FTO: variants seen among roughly 807,000 people sequenced by gnomAD.
FTO encodes alpha-ketoglutarate-dependent dioxygenase FTO.
A neutral mutation model predicts 63.9 loss-of-function variants in FTO; 47 were observed. The ratio of observed to expected loss-of-function variants is 0.74; its 90% confidence interval spans 0.58 to 0.94. FTO has a LOEUF of 0.94. Among genes scored for constraint, FTO ranks in the 40% least tolerant of loss-of-function variants. FTO has a pLI of 0.00. For synonymous variants in FTO, 207 were observed against 224.4 expected (o/e 0.92, Z 0.69); for missense variants, 562 against 618.1 (o/e 0.91, Z 0.96).
chr16:54,107,685 G>A (rs1417289796), intron 8 of FTO, among the ~76,000 whole-genome samples: 4 of 152,136 alleles, frequency 2.6e-5, no homozygotes, highest in Non-Finnish European at 5.9e-5. Flanking sequence ...CGGCATATCA[G>A]CTAGGATTCT....
intron 8 of FTO, among the ~76,000 whole-genome samples, chr16:54,024,614 T>A (rs1278680588): frequency 1.3e-5 from 2 of 152,212 alleles, no homozygotes; most frequent in Non-Finnish European, 2.9e-5. Context: ...TTATCCTGAC[T>A]CTTCCACTTA....
At chr16:53,802,143 AC>A (rs2078245126) in intron 1 of FTO, among the ~76,000 whole-genome samples, 2 of 152,076 alleles carry the variant, frequency 1.3e-5, no homozygotes, top group Admixed American at 1.3e-4. Context: ...TGGTTCCAGG[AC>A]CCCTGCAAAT....
chr16:53,785,409 CAAAT>C (rs1380559711), intron 1 of FTO, among the ~76,000 whole-genome samples: 2 of 152,046 alleles, frequency 1.3e-5, no homozygotes, highest in African/African-American at 2.4e-5. Context: ...AAATTAAGTA[CAAAT>C]AAATAAACAG....
chr16:53,864,769 A>C (rs1428617692), intron 4 of FTO, among the ~76,000 whole-genome samples: 2 of 152,178 alleles, frequency 1.3e-5, no homozygotes, highest in African/African-American at 2.4e-5. Context: ...GAGGGTCTTA[A>C]GTATATCCTT....
At chr16:54,036,758 T>TTTC (rs1185109212) in intron 8 of FTO, among the ~76,000 whole-genome samples, 1 of 152,226 alleles carries the variant, frequency 6.6e-6, no homozygotes, top group African/African-American at 2.4e-5. Flanking sequence ...TATTATTGCA[T>TTTC]TTCTATCTTC....
rs955048921 is a variant in FTO at position 53,764,124 on chromosome 16, A to T, written c.46-46016A>T. 2.0e-5 allele frequency: 3 copies of T among 152,312 alleles called. 1 individual carries two copies. Among genetic ancestry groups the T allele is most frequent in the East Asian group, 3.9e-4 (2 of 5,178 alleles). The allele number at this position is 152,312 out of a possible 1,614,324, so 9.4% of individuals were successfully genotyped here. A position where few individuals can be genotyped will look rare whatever the true frequency, so the allele number is the denominator to read the frequency against. ...GCACGGCACCCAGAGTGTGGGAGGC[A>T]CTCAATGAATATTAGCTCCTTTCTC... On this transcript the variant is annotated intron_variant, in intron 1 of 8. Coordinates refer to ENST00000471389, the MANE Select transcript of FTO (RefSeq NM_001080432.3).
At position 54,120,641 on chromosome 16, in the gene FTO, A is replaced by C. The variant is rs548718837; in HGVS notation, c.*8726A>C. 6.6e-6 allele frequency: 1 copy of C among 152,290 alleles called. No homozygotes were observed. Among genetic ancestry groups the C allele is most frequent in the Non-Finnish European group, 1.5e-5 (1 of 68,026 alleles). 9.4% of individuals were successfully genotyped at this position (152,290 alleles called of 1,614,324 possible). On this transcript the variant is annotated 3_prime_UTR_variant, in exon 9 of 9. Transcript: ENST00000471389. ...GGTGAATTATAGAAACTGGATTTCA[A>C]GTTTCTGATAAGTATTGAATTTGGG...
chr16:53,810,048 A>C (rs979388769), intron 1 of FTO, 92 bp from the exon 2 acceptor site: 5 of 804,108 alleles, frequency 6.2e-6, no homozygotes, highest in Non-Finnish European at 1.1e-5. Flanking sequence ...GTTGGCTAAA[A>C]TTTGTTTGTA....
chr16:53,892,612 G>A (rs957234389), intron 7 of FTO, among the ~76,000 whole-genome samples: 3 of 151,970 alleles, frequency 2.0e-5, no homozygotes, highest in Non-Finnish European at 4.4e-5. Flanking sequence ...GTAAAATCGT[G>A]CGTGTTGTGG....
intron 1 of FTO, among the ~76,000 whole-genome samples, chr16:53,776,262 G>A (rs2077456816): frequency 6.6e-6 from 1 of 152,176 alleles, no homozygotes; most frequent in Non-Finnish European, 1.5e-5. Flanking sequence ...TGTGTGTTGT[G>A]AAATAGCAAT....
chr16:53,893,530 C>T (rs2081204946), intron 7 of FTO, among the ~76,000 whole-genome samples: 1 of 152,118 alleles, frequency 6.6e-6, no homozygotes, highest in African/African-American at 2.4e-5. Flanking sequence ...GGTCTGGTAT[C>T]GCTCTTTGCA....
rs978829703 is a variant in FTO, at chr16:53,868,815, T to TA, written c.896-4965dup. Reference sequence around the variant, plus strand: ...TTTTTATTTGTCTGAAACATTTTTTTAAAAAATCCTTTCTTTCTTTCTTTT... The same window carrying TA: ...TTTTTATTTGTCTGAAACATTTTTTTAAAAAAATCCTTTCTTTCTTTCTTTT... On this transcript the variant is annotated intron_variant, in intron 4 of 8. Transcript: ENST00000471389. Among the ~76,000 whole-genome samples the TA allele has an allele frequency of 9.3e-4, 141 of 152,162 alleles. 3 individuals carry two copies. The highest frequency in any genetic ancestry group is 6.8e-3 in the Middle Eastern group (2 of 294).
At chr16:53,775,958 T>C (rs2077449760) in intron 1 of FTO, among the ~76,000 whole-genome samples, 1 of 152,172 alleles carries the variant, frequency 6.6e-6, no homozygotes, top group Non-Finnish European at 1.5e-5. Flanking sequence ...AATGTAAATA[T>C]TTGTTGTGGA....
chr16:53,733,351 G>A (rs545238137), intron 1 of FTO, among the ~76,000 whole-genome samples: 3 of 152,148 alleles, frequency 2.0e-5, no homozygotes, highest in South Asian at 2.1e-4. Context: ...GCAGTGAGCC[G>A]AGATCGCACA....
intron 1 of FTO, among the ~76,000 whole-genome samples, chr16:53,721,354 A>T (rs1229704624): frequency 6.6e-6 from 1 of 152,220 alleles, no homozygotes; most frequent in African/African-American, 2.4e-5. Flanking sequence ...GAGTTGATTT[A>T]GATTGATAAC....
intron 1 of FTO, among the ~76,000 whole-genome samples, chr16:53,758,512 A>C (rs1460187983): frequency 6.6e-6 from 1 of 152,174 alleles, no homozygotes; most frequent in African/African-American, 2.4e-5. Flanking sequence ...TGACATTTGG[A>C]GATATCTTAA....
intron 4 of FTO, among the ~76,000 whole-genome samples, chr16:53,851,275 C>T (rs1027283995): frequency 7.0e-6 from 1 of 143,610 alleles, no homozygotes; most frequent in African/African-American, 2.7e-5. Context: ...TGGTGATACC[C>T]CACCTCTACT....
At chr16:53,760,539 C>G (rs558232503) in intron 1 of FTO, among the ~76,000 whole-genome samples, 1 of 151,938 alleles carries the variant, frequency 6.6e-6, no homozygotes, top group South Asian at 2.1e-4. Flanking sequence ...AGCCACCACA[C>G]CTGGCTTTAG....
chr16:53,813,626 T>C (rs1211051849), intron 2 of FTO, among the ~76,000 whole-genome samples: 1 of 152,174 alleles, frequency 6.6e-6, no homozygotes, highest in African/African-American at 2.4e-5. Flanking sequence ...AATAGAAAGT[T>C]CAGACCTGAC....
Sources: gnomAD v4.1 joint callset for allele counts (sites outside exome capture counted in the v4.1 genomes callset) on GRCh38, gnomAD v4.1.1 for gene constraint, MANE v1.5 for transcripts, NCBI Gene and HGNC (gene_info 2026-07-23, HGNC 2026-07-21) for gene names.